The following KLF8 variants were observed in gnomAD, a reference collection of about 807,000 sequenced individuals.
KLF8 encodes the protein Krueppel-like factor 8.
A neutral mutation model predicts 18.2 loss-of-function variants in KLF8; 10 were observed. The ratio of observed to expected loss-of-function variants is 0.55; its 90% CI spans 0.34 to 0.93. The LOEUF (loss-of-function observed/expected upper bound fraction) is 0.93. KLF8 is among the 40% of genes least tolerant of loss of function. KLF8 has a pLI of 0.02. For synonymous variants in KLF8, 109 were observed against 97.3 expected (o/e 1.12, Z -0.71); for missense variants, 264 against 277.9 (o/e 0.95, Z 0.36).
the KLF8 span, among the ~76,000 whole-genome samples, chrX:56,055,829 A>T: frequency 1.8e-5 from 2 of 111,066 alleles, no homozygotes; most frequent in East Asian, 5.7e-4. Context: ...AAGCTCTGAG[A>T]TTCTTTCCTC....
chrX:56,018,642 TATAC>T, the KLF8 span, among the ~76,000 whole-genome samples: 1 of 111,156 alleles, frequency 9.0e-6, no homozygotes, highest in Non-Finnish European at 1.9e-5. Flanking sequence ...TTTACACACA[TATAC>T]ATATTATTAT....
the KLF8 span, among the ~76,000 whole-genome samples, chrX:56,219,330 AGAGT>A: frequency 9.0e-6 from 1 of 111,467 alleles, no homozygotes; most frequent in South Asian, 3.8e-4. Context: ...TCTGAGGAGT[AGAGT>A]ATCATTAAAC....
At chrX:56,123,306 AAAG>A in the KLF8 span, among the ~76,000 whole-genome samples, 387 of 92,402 alleles carry the variant, frequency 4.2e-3, 3 homozygotes, top group African/African-American at 0.023. Context: ...AAAGAGAAAG[AAAG>A]AAAGAAAAGA....
At chrX:55,995,512 C>T in the KLF8 span, among the ~76,000 whole-genome samples, 1 of 112,018 alleles carries the variant, frequency 8.9e-6, no homozygotes, top group African/African-American at 3.2e-5. Context: ...TTGTGGTGGC[C>T]AGTAATTGTC....
chrX:56,018,620 A>C, the KLF8 span, among the ~76,000 whole-genome samples: 2 of 111,197 alleles, frequency 1.8e-5, no homozygotes, highest in African/African-American at 6.5e-5. Flanking sequence ...TTTATTATAT[A>C]ATACATGTTA....
intron 2 of KLF8, among the ~76,000 whole-genome samples, chrX:56,253,348 A>G (rs2066739842): frequency 8.9e-6 from 1 of 112,121 alleles, no homozygotes; most frequent in South Asian, 3.7e-4. Context: ...TTGAGGTCTT[A>G]GATTTAACTC....
At chrX:56,081,094 A>G in the KLF8 span, among the ~76,000 whole-genome samples, 1 of 111,358 alleles carries the variant, frequency 9.0e-6, no homozygotes, top group Non-Finnish European at 1.9e-5. Context: ...TTTGGTTTGA[A>G]TGTCCTCCCT....
the KLF8 span, among the ~76,000 whole-genome samples, chrX:55,969,722 C>T: frequency 3.6e-5 from 4 of 110,891 alleles, no homozygotes; most frequent in Non-Finnish European, 7.6e-5. Context: ...GAGAGAAGAC[C>T]CAAATAAATA....
At chrX:56,254,324 G>A (rs566589253) in intron 2 of KLF8, among the ~76,000 whole-genome samples, 4 of 111,837 alleles carry the variant, frequency 3.6e-5, no homozygotes, top group African/African-American at 9.7e-5. Flanking sequence ...GGAATCACAG[G>A]TCAGTGGGTG....
chrX:55,962,283 A>C, the KLF8 span: 3 of 179,721 alleles, frequency 1.7e-5, no homozygotes, highest in African/African-American at 6.2e-5. Flanking sequence ...CTAAAGAAGG[A>C]GGGTTCTACC....
chrX:56,093,282 A>T, the KLF8 span, among the ~76,000 whole-genome samples: 2 of 111,549 alleles, frequency 1.8e-5, 1 homozygote, highest in Admixed American at 1.9e-4. Context: ...GACAAATAGA[A>T]AAATTTGAAA....
At chrX:56,065,107 T>G in the KLF8 span, among the ~76,000 whole-genome samples, 8 of 111,960 alleles carry the variant, frequency 7.1e-5, no homozygotes, top group African/African-American at 9.7e-5. Flanking sequence ...TTCTGCTTAT[T>G]ATGTATTAGA....
chrX:56,146,854 A>G, the KLF8 span, among the ~76,000 whole-genome samples: 1 of 112,253 alleles, frequency 8.9e-6, no homozygotes, highest in African/African-American at 3.2e-5. Flanking sequence ...GGTTTAAAAC[A>G]CATATTTTCT....
chrX:56,259,795 T>TTAAA (rs1219232086), intron 2 of KLF8, among the ~76,000 whole-genome samples: 12 of 111,280 alleles, frequency 1.1e-4, no homozygotes, highest in South Asian at 3.7e-4. Flanking sequence ...TTAAAATTAT[T>TTAAA]TAAATAAATA....
chrX:56,208,639 A>G, the KLF8 span, among the ~76,000 whole-genome samples: 8 of 111,213 alleles, frequency 7.2e-5, no homozygotes, highest in Admixed American at 5.7e-4. Flanking sequence ...CTTTTGCTGT[A>G]TCCCATAGGT....
chrX:56,079,874 G>C, the KLF8 span, among the ~76,000 whole-genome samples: 1 of 111,506 alleles, frequency 9.0e-6, no homozygotes, highest in Non-Finnish European at 1.9e-5. Flanking sequence ...AGCTGTTCTT[G>C]TTGAATTGAT....
At chrX:55,922,939 G>T in the KLF8 span, among the ~76,000 whole-genome samples, 4 of 111,793 alleles carry the variant, frequency 3.6e-5, no homozygotes, top group Non-Finnish European at 7.5e-5. Context: ...AGATGTAGAG[G>T]CAGAAATACT....
the KLF8 span, among the ~76,000 whole-genome samples, chrX:56,071,650 A>G: frequency 8.1e-5 from 9 of 111,740 alleles, no homozygotes; most frequent in Middle Eastern, 9.2e-3. Flanking sequence ...GTGAAGAAAC[A>G]TGAATCCCAG....
chrX:56,266,952 CATA>C, intron 3 of KLF8: 1 of 753,117 alleles, frequency 1.3e-6, no homozygotes, highest in Non-Finnish European at 1.6e-6. Context: ...GATAAGTGTT[CATA>C]ATCTTATTTT....
Sources: allele counts gnomAD v4.1 joint callset (sites outside exome capture counted in the v4.1 genomes callset), GRCh38; gene constraint gnomAD v4.1.1; transcripts MANE v1.5; gene names NCBI Gene and HGNC (gene_info 2026-07-23, HGNC 2026-07-21).